Variants in ABLIM2 observed in about 807,000 individuals in gnomAD.
ABLIM2 encodes actin binding LIM protein family member 2, also known as actin-binding LIM protein 2.
Under a neutral mutation model 97.7 loss-of-function variants are expected in ABLIM2, and 53 were observed. The ratio of observed to expected loss-of-function variants is 0.54; its 90% confidence interval spans 0.44 to 0.68. The LOEUF (loss-of-function observed/expected upper bound fraction) is 0.68, where lower values mean the gene tolerates loss of function less well. Ranked by LOEUF, ABLIM2 falls within the 30% of genes least tolerant of loss-of-function variation. ABLIM2 has a pLI of 0.00. For missense variants in ABLIM2, 835 were observed against 867.2 expected (o/e 0.96, Z 0.47); for synonymous variants, 361 against 345.8 (o/e 1.04, Z -0.49).
In ABLIM2 at chr4:8,002,315, C is replaced by T. The variant is rs1757775508; in HGVS notation, c.1618+5744G>A. On this transcript the variant is annotated intron_variant, in intron 16 of 20. Coordinates refer to ENST00000447017, the MANE Select transcript of ABLIM2 (RefSeq NM_001130083.2). This position sits in a 1 kb window ranked among gnomAD's most constrained non-coding sequence, Gnocchi z 6.1. ...TGGCCTCTGCCGGCCTGCACCAGAG[C>T]CAACCCAGTGTCTTCTTTGATTCCG... Among the ~76,000 whole-genome samples the T allele has an allele frequency of 6.6e-6, 1 of 152,178 alleles. No individual in the cohort carries two copies. Among genetic ancestry groups the T allele is most frequent in the South Asian group, 2.1e-4 (1 of 4,826 alleles).
chr4:8,034,260 G>A (rs894015240), intron 10 of ABLIM2, among the ~76,000 whole-genome samples: 18 of 151,482 alleles, frequency 1.2e-4, no homozygotes, highest in Non-Finnish European at 2.1e-4. Flanking sequence ...ACAGGTGGGT[G>A]CAGTGGGTGG....
rs920151662 is a variant in ABLIM2 at position 8,124,926 on chromosome 4, G to A, written c.11-18289C>T. 6.6e-6 allele frequency among the ~76,000 whole-genome samples: 1 copy of A among 152,180 alleles called. No homozygotes were observed. The highest frequency in any genetic ancestry group is 2.4e-5 in the African/African-American group (1 of 41,442). On this transcript the variant is annotated intron_variant, in intron 1 of 20. Coordinates refer to ENST00000447017, the MANE Select transcript of ABLIM2 (RefSeq NM_001130083.2). The surrounding 1 kb of genome is among the most constrained non-coding windows in gnomAD (Gnocchi z 6.1). ...TTGATCCAGCCATTCTAGCGGATCTGTAATCGCGTCTCACTGGGATTCTGA... is the reference window on the plus strand; with the variant it reads ...TTGATCCAGCCATTCTAGCGGATCTATAATCGCGTCTCACTGGGATTCTGA...
chr4:8,035,634 C>T (rs1784075774), intron 10 of ABLIM2, among the ~76,000 whole-genome samples: 1 of 152,204 alleles, frequency 6.6e-6, no homozygotes, highest in Admixed American at 6.5e-5. Context: ...TAAGAAACCT[C>T]TGAGGAGTAG....
Position 8,003,555 on chromosome 4 carries a change from A to G in ABLIM2, c.1618+4504T>C, listed in dbSNP as rs572378205. ...CTCTGGACCACTACGCTCTTCTTCC[A>G]GTTTTCTTTTTTTTTTTTTTTTTTT... On this transcript the variant is annotated intron_variant, in intron 16 of 20. Coordinates refer to ENST00000447017, the MANE Select transcript of ABLIM2 (RefSeq NM_001130083.2). The surrounding 1 kb of genome is among the most constrained non-coding windows in gnomAD (Gnocchi z 4.2). Among the ~76,000 whole-genome samples, 5 of 143,526 alleles carry G rather than the reference A, an allele frequency of 3.5e-5. No homozygotes were observed. Among genetic ancestry groups the G allele is most frequent in the Admixed American group, 2.1e-4 (3 of 14,354 alleles). 94.2% of individuals were successfully genotyped at this position (143,526 alleles called of 152,430 possible). A position where few individuals can be genotyped will look rare whatever the true frequency, so the allele number is the denominator to read the frequency against.
intron 20 of ABLIM2, among the ~76,000 whole-genome samples, chr4:7,977,144 T>C (rs1346621740): frequency 1.3e-5 from 2 of 152,188 alleles, no homozygotes; most frequent in African/African-American, 4.8e-5. Context: ...CGAGATCTGA[T>C]GGTATTTTAA....
At position 8,080,865 on chromosome 4, in the gene ABLIM2, C is replaced by T. The variant is rs1394576970; in HGVS notation, c.455-63G>A. The T allele has an allele frequency of 2.7e-5, 41 of 1,536,074 alleles. No homozygotes were observed. In the Admixed American group the frequency reaches 7.5e-4, roughly 28 times the overall value. On this transcript the variant is annotated intron_variant, in intron 4 of 20. Coordinates refer to ENST00000447017, the MANE Select transcript of ABLIM2 (RefSeq NM_001130083.2). Reference sequence around the variant, plus strand: ...TTGTGAGAGGTGTTGGGGAGGCCTCCTGCTCTCCACACTCCGTGAAGGCCC... The same window carrying T: ...TTGTGAGAGGTGTTGGGGAGGCCTCTTGCTCTCCACACTCCGTGAAGGCCC...
intron 1 of ABLIM2, among the ~76,000 whole-genome samples, chr4:8,144,071 C>T (rs1376089319): frequency 6.6e-6 from 1 of 152,186 alleles, no homozygotes; most frequent in Non-Finnish European, 1.5e-5. Flanking sequence ...CCGGCTGTAG[C>T]CTGATGGTCC....
chr4:7,971,464 A>G (rs1221784005), intron 20 of ABLIM2, among the ~76,000 whole-genome samples: 7 of 152,124 alleles, frequency 4.6e-5, no homozygotes, highest in Non-Finnish European at 1.0e-4. Context: ...TCCTGCAGGG[A>G]GGCATTTTTG....
chr4:8,111,267 AT>A (rs1340817583), intron 1 of ABLIM2, among the ~76,000 whole-genome samples: 1 of 152,258 alleles, frequency 6.6e-6, no homozygotes, highest in Non-Finnish European at 1.5e-5. Flanking sequence ...CAGGATTCCA[AT>A]TATGTGACAT....
At chr4:8,090,717 TTTTA>T (rs1356273048) in intron 3 of ABLIM2, among the ~76,000 whole-genome samples, 61 of 149,880 alleles carry the variant, frequency 4.1e-4, no homozygotes, top group African/African-American at 1.4e-3. Context: ...TTTTTTTTAT[TTTTA>T]TTTTTTTGCG....
chr4:8,001,600 C>A lies in ABLIM2; in HGVS notation c.1618+6459G>T, dbSNP rs1472390758. 6.6e-6 allele frequency among the ~76,000 whole-genome samples: 1 copy of A among 152,086 alleles called. No homozygotes were observed. The highest frequency in any genetic ancestry group is 1.5e-5 in the Non-Finnish European group (1 of 67,988). The stretch of plus-strand genomic sequence containing the variant: ...GGGGCTCAGAGAGCACCCTGCCTGC[C>A]CAGCAGGAGGCCAGGCCTTCCAGAA... On this transcript the variant is annotated intron_variant, in intron 16 of 20. Coordinates refer to ENST00000447017, the MANE Select transcript of ABLIM2 (RefSeq NM_001130083.2). The surrounding 1 kb of genome is among the most constrained non-coding windows in gnomAD (Gnocchi z 4.2).
chr4:8,099,965 G>T (rs552519937), intron 2 of ABLIM2, among the ~76,000 whole-genome samples: 1 of 152,306 alleles, frequency 6.6e-6, no homozygotes, highest in East Asian at 1.9e-4. Flanking sequence ...TTCTTATATT[G>T]CATTTTGCAA....
At chr4:7,967,722 C>T (rs1160360431) in intron 20 of ABLIM2, among the ~76,000 whole-genome samples, 2 of 152,188 alleles carry the variant, frequency 1.3e-5, no homozygotes, top group Non-Finnish European at 2.9e-5. Context: ...GTGGTCAGGG[C>T]GTGGATACCA....
chr4:8,121,798 T>TG (rs1040596566), intron 1 of ABLIM2, among the ~76,000 whole-genome samples: 2 of 152,226 alleles, frequency 1.3e-5, no homozygotes, highest in South Asian at 4.1e-4. Flanking sequence ...GTCCAGTGGA[T>TG]GGGGGGGTGA....
At chr4:8,010,912 G>T (rs564199080) in intron 14 of ABLIM2, among the ~76,000 whole-genome samples, 1 of 152,340 alleles carries the variant, frequency 6.6e-6, no homozygotes, top group Admixed American at 6.5e-5. Context: ...GGCAGGCTAG[G>T]GGCTGCTTGG....
chr4:8,086,067 C>T (rs779119296), intron 4 of ABLIM2, among the ~76,000 whole-genome samples: 2 of 152,118 alleles, frequency 1.3e-5, no homozygotes, highest in East Asian at 1.9e-4. Flanking sequence ...CAGACATCCA[C>T]GCAGGAACCA....
intron 20 of ABLIM2, among the ~76,000 whole-genome samples, chr4:7,968,656 C>T (rs147875848): frequency 1.3e-5 from 2 of 152,124 alleles, no homozygotes; most frequent in African/African-American, 4.8e-5. Context: ...AGCATGGATT[C>T]GTGGTCGCCA....
rs1463469878 is a variant in ABLIM2, at chr4:8,071,966, G to A, written c.675+5662C>T. ...GCCGAGCATCAGGCAGTGCCACCGCGGCGGCGGCAGCTCCCCTTCTGCGGA... is the reference window on the plus strand; with the variant it reads ...GCCGAGCATCAGGCAGTGCCACCGCAGCGGCGGCAGCTCCCCTTCTGCGGA... On this transcript the variant is annotated intron_variant, in intron 6 of 20. Coordinates refer to ENST00000447017, the MANE Select transcript of ABLIM2 (RefSeq NM_001130083.2). The surrounding 1 kb of genome is among the most constrained non-coding windows in gnomAD (Gnocchi z 6.2). 6.1e-6 allele frequency: 6 copies of A among 985,376 alleles called. No individual in the cohort carries two copies. Among genetic ancestry groups the A allele is most frequent in the African/African-American group, 1.7e-5 (1 of 57,220 alleles). The allele number at this position is 985,376 out of a possible 1,614,324, so 61.0% of individuals were successfully genotyped here.
Position 8,015,222 on chromosome 4 carries a change from G to C in ABLIM2, c.1423+4396C>G, listed in dbSNP as rs1768066371. ...AGGTGTGAGCCACCGTGCCCGGCTT[G>C]TCTTCCACCTTTCTAGGACAGCCTC... On this transcript the variant is annotated intron_variant, in intron 14 of 20. Coordinates refer to ENST00000447017, the MANE Select transcript of ABLIM2 (RefSeq NM_001130083.2). The surrounding 1 kb of genome is among the most constrained non-coding windows in gnomAD (Gnocchi z 4.6). Among the ~76,000 whole-genome samples the C allele has an allele frequency of 6.6e-6, 1 of 152,076 alleles. No individual in the cohort carries two copies. Among genetic ancestry groups the C allele is most frequent in the Non-Finnish European group, 1.5e-5 (1 of 68,020 alleles).
Sources: gnomAD v4.1 joint callset for allele counts (sites outside exome capture counted in the v4.1 genomes callset) on GRCh38, gnomAD v4.1.1 for gene constraint, Gnocchi (gnomAD v3.1) non-coding constraint, MANE v1.5 for transcripts, NCBI Gene and HGNC (gene_info 2026-07-23, HGNC 2026-07-21) for gene names.